ADGRL3: variants seen among roughly 807,000 people sequenced by gnomAD.
ADGRL3 encodes the protein calcium-independent alpha-latrotoxin receptor 3.
ADGRL3 carries 62 observed loss-of-function variants against 153.5 expected under a neutral mutation model. That is an observed-to-expected ratio of 0.40 (90% CI 0.33 to 0.50). The LOEUF is 0.50. Among genes scored for constraint, ADGRL3 ranks in the 20% least tolerant of loss-of-function variants. ADGRL3 has a pLI of 0.47. For synonymous variants in ADGRL3, 710 were observed against 672.5 expected (o/e 1.06, Z -0.86); for missense variants, 1,641 against 1,859.4 (o/e 0.88, Z 2.16).
Position 61,635,161 on chromosome 4 carries a change from C to G in ADGRL3, c.474-41665C>G, listed in dbSNP as rs377174111. 3.3e-5 allele frequency among the ~76,000 whole-genome samples: 5 copies of G among 152,196 alleles called. 2 individuals carry two copies. Among genetic ancestry groups the G allele is most frequent in the Admixed American group, 3.3e-4 (5 of 15,282 alleles). The stretch of plus-strand genomic sequence containing the variant: ...GGAGAAGGGGAAGGAAAATTGAGAT[C>G]CCCCTTCCCATCATAGGTACATATG... On this transcript the variant is annotated intron_variant, in intron 5 of 26. Transcript: ENST00000683033.
chr4:61,827,922 G>A (rs1209691509), intron 9 of ADGRL3, among the ~76,000 whole-genome samples: 2 of 152,144 alleles, frequency 1.3e-5, no homozygotes, highest in Non-Finnish European at 2.9e-5. Context: ...AATTTTAGGA[G>A]TGTCTGAGAC....
At chr4:61,205,122 A>G (rs762012248) in intron 1 of ADGRL3, among the ~76,000 whole-genome samples, 3 of 152,206 alleles carry the variant, frequency 2.0e-5, no homozygotes, top group Non-Finnish European at 4.4e-5. Context: ...CAAGGAAATC[A>G]TAAATAGTAG....
chr4:61,874,570 ATCTT>A (rs1323885937), intron 9 of ADGRL3, among the ~76,000 whole-genome samples: 1 of 149,790 alleles, frequency 6.7e-6, no homozygotes. Context: ...TAGAAAAGTC[ATCTT>A]TCTTCTCGTT....
intron 1 of ADGRL3, among the ~76,000 whole-genome samples, chr4:61,261,133 G>C (rs901085166): frequency 5.3e-5 from 8 of 151,498 alleles, no homozygotes; most frequent in African/African-American, 1.5e-4. Context: ...TGAGTAGCTG[G>C]GACTACAAGC....
chr4:61,829,165 A>G (rs73823249), intron 9 of ADGRL3, among the ~76,000 whole-genome samples: 22,533 of 152,174 alleles, frequency 0.15, 1,786 homozygotes, highest in African/African-American at 0.2. Flanking sequence ...TGGGCACTTA[A>G]TAGTCAAGCA....
chr4:61,512,709 C>G (rs2098470242), intron 3 of ADGRL3, among the ~76,000 whole-genome samples: 1 of 151,914 alleles, frequency 6.6e-6, no homozygotes, highest in African/African-American at 2.4e-5. Flanking sequence ...AGATAGAGAA[C>G]TGTTTGGTAA....
At chr4:61,289,401 T>C (rs1357595454) in intron 1 of ADGRL3, among the ~76,000 whole-genome samples, 3 of 152,086 alleles carry the variant, frequency 2.0e-5, no homozygotes, top group African/African-American at 7.2e-5. Flanking sequence ...TAAATAATTA[T>C]GACATGAATA....
intron 8 of ADGRL3, among the ~76,000 whole-genome samples, chr4:61,753,944 CTT>C (rs2096788533): frequency 6.6e-6 from 1 of 152,136 alleles, no homozygotes; most frequent in East Asian, 1.9e-4. Context: ...TGCCATCAGT[CTT>C]TGCCTGTGGC....
intron 6 of ADGRL3, among the ~76,000 whole-genome samples, chr4:61,685,790 GA>G (rs1238318229): frequency 3.3e-5 from 5 of 152,044 alleles, no homozygotes; most frequent in Non-Finnish European, 7.4e-5. Context: ...TATGTTTGCA[GA>G]AGAGAATTGA....
chr4:61,696,939 A>G (rs1251577345), intron 6 of ADGRL3, among the ~76,000 whole-genome samples: 1 of 152,038 alleles, frequency 6.6e-6, no homozygotes, highest in Non-Finnish European at 1.5e-5. Flanking sequence ...AGCCTCCTAA[A>G]GTGCTAAGAT....
chr4:61,774,686 G>C (rs553898153), intron 8 of ADGRL3, among the ~76,000 whole-genome samples: 3 of 152,096 alleles, frequency 2.0e-5, no homozygotes, highest in East Asian at 3.9e-4. Context: ...GAGAAAGAGA[G>C]ACTGTATTCA....
chr4:61,865,352 T>A (rs2098389982), intron 9 of ADGRL3, among the ~76,000 whole-genome samples: 1 of 152,094 alleles, frequency 6.6e-6, no homozygotes, highest in Non-Finnish European at 1.5e-5. Context: ...GGGGGTGTCA[T>A]CTGGGCAGGA....
At chr4:61,457,729 T>C (rs899520627) in intron 2 of ADGRL3, among the ~76,000 whole-genome samples, 2 of 151,890 alleles carry the variant, frequency 1.3e-5, no homozygotes, top group African/African-American at 4.8e-5. Context: ...GCTTGAGCTT[T>C]AGGAAAATTA....
chr4:62,035,510 G>C (rs1449859445), intron 23 of ADGRL3, among the ~76,000 whole-genome samples: 1 of 152,044 alleles, frequency 6.6e-6, no homozygotes, highest in Non-Finnish European at 1.5e-5. Flanking sequence ...GCAGGGGGAA[G>C]TTATGATCAA....
chr4:61,566,632 T>G (rs776909611), intron 4 of ADGRL3, among the ~76,000 whole-genome samples: 2 of 152,078 alleles, frequency 1.3e-5, no homozygotes, highest in African/African-American at 2.4e-5. Flanking sequence ...ACTGAATACT[T>G]TTAGTGTATC....
chr4:61,914,533 A>G (rs934556839), intron 13 of ADGRL3, among the ~76,000 whole-genome samples: 1 of 152,070 alleles, frequency 6.6e-6, no homozygotes, highest in Non-Finnish European at 1.5e-5. Flanking sequence ...TCTAATGGTA[A>G]TACATGGGAG....
chr4:61,907,186 G>A (rs1259719262), intron 11 of ADGRL3, among the ~76,000 whole-genome samples: 3 of 152,076 alleles, frequency 2.0e-5, no homozygotes, highest in South Asian at 4.1e-4. Flanking sequence ...GACAGTATAG[G>A]ATGTTCCCAA....
intron 6 of ADGRL3, among the ~76,000 whole-genome samples, chr4:61,696,967 G>A (rs2095654828): frequency 6.6e-6 from 1 of 151,992 alleles, no homozygotes; most frequent in Admixed American, 6.6e-5. Flanking sequence ...GTGAGCCACT[G>A]TGCCCAGCCA....
chr4:61,886,286 C>G (rs2098538201), intron 9 of ADGRL3, among the ~76,000 whole-genome samples: 1 of 152,104 alleles, frequency 6.6e-6, no homozygotes, highest in African/African-American at 2.4e-5. Flanking sequence ...CTCTTTCTAC[C>G]CAGGGCACTG....
Sources: gnomAD v4.1 joint callset for allele counts (sites outside exome capture counted in the v4.1 genomes callset) on GRCh38, gnomAD v4.1.1 for gene constraint, MANE v1.5 for transcripts, NCBI Gene and HGNC (gene_info 2026-07-23, HGNC 2026-07-21) for gene names.